Variants in FMNL2 observed in about 807,000 individuals in gnomAD.
FMNL2 encodes the protein formin like 2, also known as formin-like protein 2.
FMNL2 carries 51 observed loss-of-function variants against 130.2 expected under a neutral mutation model. The observed-to-expected ratio is 0.39, with a 90% CI of 0.31 to 0.49. The LOEUF (loss-of-function observed/expected upper bound fraction) is 0.49, where lower values mean the gene tolerates loss of function less well. FMNL2 is among the 20% of genes least tolerant of loss of function. FMNL2 has a pLI of 0.85. For missense variants in FMNL2, 977 were observed against 1,316.2 expected (o/e 0.74, Z 3.99); for synonymous variants, 465 against 467.1 (o/e 1.00, Z 0.06).
intron 1 of FMNL2, among the ~76,000 whole-genome samples, chr2:152,410,043 C>T (rs999154500): frequency 2.0e-5 from 3 of 152,060 alleles, no homozygotes; most frequent in African/African-American, 7.2e-5. Flanking sequence ...ACGGGGGTGG[C>T]AGGAATGAAC....
At chr2:152,406,879 A>G (rs1686012808) in intron 1 of FMNL2, among the ~76,000 whole-genome samples, 1 of 152,202 alleles carries the variant, frequency 6.6e-6, no homozygotes. Context: ...AAACATTTTT[A>G]TAAATGATTT....
At chr2:152,425,708 T>G (rs574877403) in intron 1 of FMNL2, among the ~76,000 whole-genome samples, 2 of 152,350 alleles carry the variant, frequency 1.3e-5, no homozygotes, top group Non-Finnish European at 2.9e-5. Context: ...AAACACATCT[T>G]GAGCGGAGCT....
intron 1 of FMNL2, among the ~76,000 whole-genome samples, chr2:152,521,404 A>G (rs1693078287): frequency 6.6e-6 from 1 of 152,260 alleles, no homozygotes; most frequent in Non-Finnish European, 1.5e-5. Flanking sequence ...ATTAATGTTG[A>G]CATAAATGTT....
In FMNL2 at chr2:152,385,124, A is replaced by G. The variant is rs528275911; in HGVS notation, c.117+49404A>G. Among the ~76,000 whole-genome samples the G allele has an allele frequency of 2.0e-5, 3 of 152,356 alleles. No individual in the cohort carries two copies. In the South Asian group the frequency reaches 6.2e-4, roughly 32 times the overall value. On this transcript the variant is annotated intron_variant, in intron 1 of 25. Transcript: ENST00000288670. ...CCACAAAGTGTGGGATTGCTCCTGT[A>G]TTCTGTTAATGCCTATTTGTTAAAA...
chr2:152,471,286 C>T lies in FMNL2; in HGVS notation c.118-50657C>T, dbSNP rs187128352. Among the ~76,000 whole-genome samples the T allele has an allele frequency of 2.7e-3, 408 of 152,248 alleles. 2 individuals are homozygous for T. The highest frequency in any genetic ancestry group is 9.4e-3 in the African/African-American group (389 of 41,528). On this transcript the variant is annotated intron_variant, in intron 1 of 25. Coordinates refer to ENST00000288670, the MANE Select transcript of FMNL2 (RefSeq NM_052905.4). ...GTTTAACTCCTAGGTAATTTGGGAC[C>T]ACGTTTTGTCTTTTGGAAAATGCAG...
chr2:152,572,213 G>A (rs1174983251), intron 6 of FMNL2, among the ~76,000 whole-genome samples: 3 of 152,126 alleles, frequency 2.0e-5, no homozygotes, highest in African/African-American at 7.2e-5. Flanking sequence ...CCTACAGGGT[G>A]ACTGAGGAAG....
At chr2:152,593,354 T>TAC (rs1491095716) in intron 9 of FMNL2, among the ~76,000 whole-genome samples, 1 of 146,388 alleles carries the variant, frequency 6.8e-6, no homozygotes, top group African/African-American at 2.7e-5. Context: ...TAGAAAATGC[T>TAC]ATATATATAT....
chr2:152,441,467 T>A (rs1218809126), intron 1 of FMNL2, among the ~76,000 whole-genome samples: 1 of 151,914 alleles, frequency 6.6e-6, no homozygotes, highest in African/African-American at 2.4e-5. Flanking sequence ...GCCCGTGAGT[T>A]TGAGGCTGCA....
In FMNL2 at chr2:152,464,758, C is replaced by T. The variant is rs184432839; in HGVS notation, c.118-57185C>T. Among the ~76,000 whole-genome samples the T allele has an allele frequency of 9.2e-5, 14 of 152,268 alleles. No individual in the cohort carries two copies. In the East Asian group the frequency reaches 1.7e-3, roughly 19 times the overall value. On this transcript the variant is annotated intron_variant, in intron 1 of 25. Coordinates refer to ENST00000288670, the MANE Select transcript of FMNL2 (RefSeq NM_052905.4). ...GTTGAAAGCATTTTCCTCAGAGCCT[C>T]CCTGGGAATGCTTGTCCTATTTCTC...
chr2:152,542,361 G>T (rs1339579605), intron 2 of FMNL2, among the ~76,000 whole-genome samples: 1 of 152,224 alleles, frequency 6.6e-6, no homozygotes, highest in Non-Finnish European at 1.5e-5. Flanking sequence ...ATATGCAAAA[G>T]ATTGAAGACC....
intron 1 of FMNL2, among the ~76,000 whole-genome samples, chr2:152,412,468 AT>A (rs1308342825): frequency 0.018 from 318 of 17,964 alleles, 22 homozygotes; most frequent in African/African-American, 0.049. Context: ...ATATATATAT[AT>A]ATATATATAT....
chr2:152,537,352 A>T (rs1235702330), intron 2 of FMNL2, among the ~76,000 whole-genome samples: 1 of 152,210 alleles, frequency 6.6e-6, no homozygotes, highest in African/African-American at 2.4e-5. Flanking sequence ...AGGTATGTGT[A>T]TAGGCAGCCT....
chr2:152,606,845 C>T (rs573654072), intron 9 of FMNL2, among the ~76,000 whole-genome samples: 8 of 151,882 alleles, frequency 5.3e-5, no homozygotes, highest in South Asian at 2.1e-4. Flanking sequence ...ATAGCTTCCA[C>T]GGTGTCTATT....
intron 1 of FMNL2, among the ~76,000 whole-genome samples, chr2:152,422,603 C>T (rs1686979472): frequency 6.6e-6 from 1 of 152,158 alleles, no homozygotes; most frequent in Non-Finnish European, 1.5e-5. Context: ...TGGCTCACTG[C>T]ATCTTCTGCC....
At chr2:152,492,139 T>C (rs1691247929) in intron 1 of FMNL2, among the ~76,000 whole-genome samples, 1 of 152,194 alleles carries the variant, frequency 6.6e-6, no homozygotes, top group Non-Finnish European at 1.5e-5. Flanking sequence ...TACCCTCTGA[T>C]TTAGATATGG....
At position 152,599,405 on chromosome 2, in the gene FMNL2, CTTTTTTTTTTT is replaced by C. The variant is rs35753197; in HGVS notation, c.877-7912_877-7902del. ...CTCTCTAGAATTTATTGAAGGTCAT[CTTTTTTTTTTT>C]TTTTTTTTTTTTTTTTTTTTTAGAG... On this transcript the variant is annotated intron_variant, in intron 9 of 25. Coordinates refer to ENST00000288670, the MANE Select transcript of FMNL2 (RefSeq NM_052905.4). Among the ~76,000 whole-genome samples the C allele has an allele frequency of 2.0e-3, 89 of 45,086 alleles. 3 individuals are homozygous for C. The East Asian group carries it at 0.049, about 25-fold the overall frequency. The allele number at this position is 45,086 out of a possible 152,430, so 29.6% of individuals were successfully genotyped here.
At chr2:152,523,665 T>C (rs1211539673) in intron 2 of FMNL2, among the ~76,000 whole-genome samples, 1 of 152,254 alleles carries the variant, frequency 6.6e-6, no homozygotes, top group African/African-American at 2.4e-5. Flanking sequence ...GAAGCAAATA[T>C]GGAGTGTCAC....
At chr2:152,420,582 C>A (rs1686858148) in intron 1 of FMNL2, among the ~76,000 whole-genome samples, 1 of 152,178 alleles carries the variant, frequency 6.6e-6, no homozygotes, top group African/African-American at 2.4e-5. Flanking sequence ...CATTGGGTAT[C>A]AATGGTGAGC....
intron 9 of FMNL2, among the ~76,000 whole-genome samples, chr2:152,583,498 G>A (rs1003667210): frequency 1.7e-4 from 26 of 152,312 alleles, no homozygotes; most frequent in African/African-American, 5.8e-4. Context: ...GTTTGGGGCT[G>A]CTACCTTTAT....
Sources: allele counts gnomAD v4.1 joint callset (sites outside exome capture counted in the v4.1 genomes callset), GRCh38; gene constraint gnomAD v4.1.1; transcripts MANE v1.5; gene names NCBI Gene and HGNC (gene_info 2026-07-23, HGNC 2026-07-21).